Variants in GRIN2A observed in about 807,000 individuals in gnomAD.
The protein encoded by GRIN2A is glutamate receptor ionotropic, NMDA 2A.
GRIN2A carries 22 observed loss-of-function variants against 113.4 expected under a neutral mutation model. The ratio of observed to expected loss-of-function variants is 0.19; its 90% CI spans 0.14 to 0.28. The LOEUF is 0.28. GRIN2A is among the 10% of genes least tolerant of loss of function. The probability of loss-of-function intolerance (pLI) is 1.00; values close to 1 mark genes in which losing one functional copy is unlikely to be tolerated. For synonymous variants in GRIN2A, 827 were observed against 738.4 expected, an observed-to-expected ratio of 1.12 and a Z score of -1.94; for missense variants, 1,502 against 1,887.0, an observed-to-expected ratio of 0.80 and a Z score of 3.78.
intron 2 of GRIN2A, among the ~76,000 whole-genome samples, chr16:10,102,510 T>C (rs7193965): frequency 0.5 from 76,385 of 151,956 alleles, 19,397 homozygotes; most frequent in South Asian, 0.55. Flanking sequence ...AATTACCTAA[T>C]GTTGGGTATT....
chr16:9,988,247 T>G (rs1389963956), intron 2 of GRIN2A, among the ~76,000 whole-genome samples: 1 of 149,668 alleles, frequency 6.7e-6, no homozygotes, highest in Non-Finnish European at 1.5e-5. Flanking sequence ...TCCTGAACAC[T>G]GAAGGAAAGA....
intron 2 of GRIN2A, among the ~76,000 whole-genome samples, chr16:10,167,982 G>A (rs1229763453): frequency 6.6e-6 from 1 of 152,152 alleles, no homozygotes; most frequent in Admixed American, 6.5e-5. Flanking sequence ...GAGGAGTCTG[G>A]CTGGCTCTTT....
At chr16:9,927,818 T>G (rs1355312695) in intron 3 of GRIN2A, among the ~76,000 whole-genome samples, 2 of 152,072 alleles carry the variant, frequency 1.3e-5, no homozygotes, top group African/African-American at 4.8e-5. Context: ...TTGTTTAAAC[T>G]TCCTCTTATT....
chr16:9,985,460 T>C (rs2045962454), intron 2 of GRIN2A, among the ~76,000 whole-genome samples: 1 of 151,928 alleles, frequency 6.6e-6, no homozygotes, highest in Non-Finnish European at 1.5e-5. Flanking sequence ...AACAGACAAA[T>C]GGATAAAGAA....
chr16:9,894,859 G>A (rs1305397408), intron 3 of GRIN2A, among the ~76,000 whole-genome samples: 1 of 152,058 alleles, frequency 6.6e-6, no homozygotes, highest in Non-Finnish European at 1.5e-5. Flanking sequence ...CCAAACATCT[G>A]TCAATGCAGT....
chr16:9,797,275 G>C (rs749507165), intron 11 of GRIN2A, among the ~76,000 whole-genome samples: 2 of 152,094 alleles, frequency 1.3e-5, no homozygotes, highest in Non-Finnish European at 2.9e-5. Context: ...TCCTCATACC[G>C]AGCTCATTTT....
chr16:9,903,585 A>G (rs960236363), intron 3 of GRIN2A, among the ~76,000 whole-genome samples: 1 of 152,196 alleles, frequency 6.6e-6, no homozygotes. Context: ...ATTTTTCTGC[A>G]GCTGTAATTC....
intron 9 of GRIN2A, among the ~76,000 whole-genome samples, chr16:9,828,338 G>T (rs193039277): frequency 6.6e-6 from 1 of 152,288 alleles, no homozygotes; most frequent in East Asian, 1.9e-4. Context: ...TTGTGGAAAT[G>T]ACTCCATCTT....
chr16:9,869,196 G>A (rs1015171560), intron 4 of GRIN2A, among the ~76,000 whole-genome samples: 5 of 152,194 alleles, frequency 3.3e-5, no homozygotes, highest in Admixed American at 1.3e-4. Flanking sequence ...GCACTTTGAA[G>A]GCAAGGCAGG....
intron 2 of GRIN2A, among the ~76,000 whole-genome samples, chr16:10,044,398 G>T (rs2047224472): frequency 6.6e-6 from 1 of 151,590 alleles, no homozygotes. Flanking sequence ...GCTTTTTGCT[G>T]CACAGAAAAG....
intron 2 of GRIN2A, among the ~76,000 whole-genome samples, chr16:9,979,360 C>A (rs914448528): frequency 1.3e-5 from 2 of 152,176 alleles, no homozygotes; most frequent in Non-Finnish European, 2.9e-5. Flanking sequence ...TACAATAGAC[C>A]TTGACAGTTT....
intron 2 of GRIN2A, among the ~76,000 whole-genome samples, chr16:10,011,197 C>T (rs561989687): frequency 6.6e-6 from 1 of 152,268 alleles, no homozygotes; most frequent in Non-Finnish European, 1.5e-5. Context: ...TCAGTAATTA[C>T]AGATGTATGT....
At chr16:10,177,646 T>A (rs1418130773) in intron 2 of GRIN2A, among the ~76,000 whole-genome samples, 1 of 152,246 alleles carries the variant, frequency 6.6e-6, no homozygotes, top group Non-Finnish European at 1.5e-5. Context: ...GAGGTCACAT[T>A]TTGGTCCACA....
chr16:9,888,372 A>G (rs2043627375), intron 4 of GRIN2A, among the ~76,000 whole-genome samples: 1 of 152,194 alleles, frequency 6.6e-6, no homozygotes, highest in African/African-American at 2.4e-5. Context: ...TCACAAAAAT[A>G]TTCTCCTACA....
rs140303174 is a variant in GRIN2A, at chr16:9,869,357, C to T, written c.1123-19396G>A. Reference sequence around the variant, plus strand: ...CTGAGGCATGAGAATCACTTTAACCCGAGAGGAAGAGGTTGCAATGAGCCT... The same window carrying T: ...CTGAGGCATGAGAATCACTTTAACCTGAGAGGAAGAGGTTGCAATGAGCCT... On this transcript the variant is annotated intron_variant, in intron 4 of 12. Transcript: ENST00000330684. 2.6e-5 allele frequency among the ~76,000 whole-genome samples: 4 copies of T among 152,200 alleles called. No individual in the cohort carries two copies. In the East Asian group the frequency reaches 5.8e-4, roughly 22 times the overall value.
At chr16:10,018,632 G>C (rs1381686267) in intron 2 of GRIN2A, among the ~76,000 whole-genome samples, 2 of 152,122 alleles carry the variant, frequency 1.3e-5, no homozygotes, top group Non-Finnish European at 2.9e-5. Flanking sequence ...GCTGCACGAG[G>C]GAAACTCTAT....
chr16:9,914,053 C>T (rs1198310101), intron 3 of GRIN2A, among the ~76,000 whole-genome samples: 1 of 151,120 alleles, frequency 6.6e-6, no homozygotes, highest in Non-Finnish European at 1.5e-5. Flanking sequence ...TAGAGGCTCC[C>T]AAGAATGTTT....
intron 2 of GRIN2A, among the ~76,000 whole-genome samples, chr16:10,058,799 T>C (rs1166530097): frequency 6.6e-6 from 1 of 152,194 alleles, no homozygotes; most frequent in Non-Finnish European, 1.5e-5. Context: ...TTCCTGACAA[T>C]ATGGTTAGTG....
chr16:10,098,595 T>G (rs1392826786), intron 2 of GRIN2A, among the ~76,000 whole-genome samples: 1 of 152,176 alleles, frequency 6.6e-6, no homozygotes, highest in African/African-American at 2.4e-5. Context: ...AATTGTGGTA[T>G]GTATATATAC....
Sources: allele counts gnomAD v4.1 joint callset (sites outside exome capture counted in the v4.1 genomes callset), GRCh38; gene constraint gnomAD v4.1.1; transcripts MANE v1.5; gene names NCBI Gene and HGNC (gene_info 2026-07-23, HGNC 2026-07-21).